Variants in CCDC12 observed in about 807,000 individuals in gnomAD.
CCDC12 encodes coiled-coil domain containing 12.
A neutral mutation model predicts 25.7 loss-of-function variants in CCDC12; 28 were observed. The ratio of observed to expected loss-of-function variants is 1.09; its 90% CI spans 0.81 to 1.50. CCDC12 has a LOEUF of 1.50. Ranked by LOEUF, CCDC12 falls within the 40% of genes most tolerant of loss-of-function variation. The pLI is 0.00. For missense variants in CCDC12, 198 were observed against 210.0 expected, an observed-to-expected ratio of 0.94 and a Z score of 0.35; for synonymous variants, 75 against 87.7, an observed-to-expected ratio of 0.86 and a Z score of 0.81.
intron 2 of CCDC12, among the ~76,000 whole-genome samples, chr3:46,928,006 TCC>T (rs1364713713): frequency 2.0e-5 from 3 of 152,098 alleles, no homozygotes; most frequent in Admixed American, 6.5e-5. Flanking sequence ...AGATTTAACC[TCC>T]CTTATAAAAG....
intron 1 of CCDC12, among the ~76,000 whole-genome samples, chr3:46,956,016 G>A (rs558534710): frequency 6.6e-6 from 1 of 152,316 alleles, no homozygotes; most frequent in East Asian, 1.9e-4. Flanking sequence ...GTGGCTCAGG[G>A]CTAATAAAAG....
At position 46,956,139 on chromosome 3, in the gene CCDC12, G is replaced by A. The variant is rs576718822; in HGVS notation, c.97-15074C>T. On this transcript the variant is annotated intron_variant, in intron 1 of 6. Coordinates refer to ENST00000683445, the MANE Select transcript of CCDC12 (RefSeq NM_001277074.2). ...TTCTGCCTAACAGCCAGAGAAGTGT[G>A]ATCACATCTATTCTTACACCAAATG... Among the ~76,000 whole-genome samples the A allele has an allele frequency of 3.9e-5, 6 of 152,330 alleles. No homozygotes were observed. In the South Asian group the frequency reaches 1.2e-3, roughly 32 times the overall value.
chr3:46,951,766 C>T (rs1417578248), intron 1 of CCDC12, among the ~76,000 whole-genome samples: 3 of 56,532 alleles, frequency 5.3e-5, no homozygotes, highest in African/African-American at 2.1e-4. Flanking sequence ...GGCGACAGAA[C>T]GAGACTCCGT....
intron 1 of CCDC12, among the ~76,000 whole-genome samples, chr3:46,975,140 T>C (rs1360452603): frequency 6.6e-6 from 1 of 152,024 alleles, no homozygotes; most frequent in Non-Finnish European, 1.5e-5. Context: ...ATTAATAGGC[T>C]AGTAGGCCCA....
intron 2 of CCDC12, among the ~76,000 whole-genome samples, chr3:46,931,366 G>A (rs891006835): frequency 2.6e-5 from 4 of 152,188 alleles, no homozygotes; most frequent in Non-Finnish European, 4.4e-5. Context: ...GATGTTCTCT[G>A]TCAAGTATAG....
chr3:46,973,833 C>T (rs1016968872), intron 1 of CCDC12, among the ~76,000 whole-genome samples: 1 of 152,130 alleles, frequency 6.6e-6, no homozygotes, highest in African/African-American at 2.4e-5. Context: ...AGAATGGTCT[C>T]GATCTCCTGA....
intron 2 of CCDC12, among the ~76,000 whole-genome samples, chr3:46,939,827 C>T (rs1364823211): frequency 1.3e-5 from 2 of 152,162 alleles, no homozygotes; most frequent in Non-Finnish European, 2.9e-5. Context: ...ATGAGGCCCG[C>T]ATGTGGGGAG....
At chr3:46,957,707 C>T (rs1289214972) in intron 1 of CCDC12, among the ~76,000 whole-genome samples, 1 of 152,010 alleles carries the variant, frequency 6.6e-6, no homozygotes, top group East Asian at 1.9e-4. Flanking sequence ...TTCAGGAGGC[C>T]AAGGTGGGTG....
At chr3:46,970,236 A>G (rs1283166537) in intron 1 of CCDC12, among the ~76,000 whole-genome samples, 1 of 151,870 alleles carries the variant, frequency 6.6e-6, no homozygotes, top group African/African-American at 2.4e-5. Flanking sequence ...AATGCAGCCC[A>G]ACACAAATTC....
chr3:46,980,860 G>A (rs145144141), upstream of CCDC12, among the ~76,000 whole-genome samples: 13 of 152,284 alleles, frequency 8.5e-5, no homozygotes, highest in African/African-American at 3.1e-4. Flanking sequence ...CACCTGCCTG[G>A]CATCATGCTC....
At chr3:46,959,902 GCT>G (rs2034412055) in intron 1 of CCDC12, among the ~76,000 whole-genome samples, 1 of 152,100 alleles carries the variant, frequency 6.6e-6, no homozygotes, top group Non-Finnish European at 1.5e-5. Context: ...ACCAGCTCAG[GCT>G]CTGTCTTGTG....
intron 1 of CCDC12, among the ~76,000 whole-genome samples, chr3:46,971,943 G>A (rs1037148981): frequency 6.6e-6 from 1 of 152,076 alleles, no homozygotes; most frequent in African/African-American, 2.4e-5. Context: ...GCCACAGCAG[G>A]CAGTCATACT....
chr3:46,940,137 G>A (rs1205249530), intron 2 of CCDC12, among the ~76,000 whole-genome samples: 1 of 152,212 alleles, frequency 6.6e-6, no homozygotes, highest in East Asian at 1.9e-4. Flanking sequence ...ACACGGGAGT[G>A]GTAGTCAGAC....
At chr3:46,937,537 G>A (rs1187052166) in intron 2 of CCDC12, among the ~76,000 whole-genome samples, 3 of 152,208 alleles carry the variant, frequency 2.0e-5, no homozygotes, top group Non-Finnish European at 4.4e-5. Context: ...GGCCTCAGGG[G>A]TCATCTCTCC....
upstream of CCDC12, among the ~76,000 whole-genome samples, chr3:46,979,061 G>C (rs919961110): frequency 6.6e-6 from 1 of 152,204 alleles, no homozygotes; most frequent in Non-Finnish European, 1.5e-5. Flanking sequence ...CAAGTTCTGG[G>C]CCCTGGAGTT....
intron 1 of CCDC12, among the ~76,000 whole-genome samples, chr3:46,960,290 C>T (rs2034424636): frequency 6.6e-6 from 1 of 152,150 alleles, no homozygotes; most frequent in African/African-American, 2.4e-5. Context: ...GACTCCTCAC[C>T]CCAGACACAG....
intron 1 of CCDC12, among the ~76,000 whole-genome samples, chr3:46,974,569 G>GCTTA (rs10648724): frequency 6.6e-6 from 1 of 151,958 alleles, no homozygotes; most frequent in Non-Finnish European, 1.5e-5. Context: ...CAATTTAGGG[G>GCTTA]CTGTCTGATA....
At chr3:46,979,732 C>T, upstream of CCDC12, 1 of 315,324 alleles carries the variant, frequency 3.2e-6, no homozygotes, top group Non-Finnish European at 5.8e-6. Context: ...GCAGACTTCC[C>T]CAGTAGTACC....
chr3:46,951,792 A>T (rs1238430931), intron 1 of CCDC12, among the ~76,000 whole-genome samples: 72 of 24,968 alleles, frequency 2.9e-3, no homozygotes, highest in South Asian at 0.021. Context: ...AAAAAAAAAA[A>T]AAAAAAATAT....
Sources: gnomAD v4.1 joint callset for allele counts (sites outside exome capture counted in the v4.1 genomes callset) on GRCh38, gnomAD v4.1.1 for gene constraint, MANE v1.5 for transcripts, NCBI Gene and HGNC (gene_info 2026-07-23, HGNC 2026-07-21) for gene names.